MRPL48: variants seen among roughly 807,000 people sequenced by gnomAD.
MRPL48 encodes the protein large ribosomal subunit protein mL48.
MRPL48 carries 16 observed loss-of-function variants against 32.9 expected under a neutral mutation model. That is an observed-to-expected ratio of 0.49 (90% CI 0.33 to 0.74). MRPL48 has a LOEUF of 0.74. Among genes scored for constraint, MRPL48 ranks in the 30% least tolerant of loss-of-function variants. MRPL48 has a pLI of 0.02. For synonymous variants in MRPL48, 94 were observed against 89.2 expected (o/e 1.05, Z -0.31); for missense variants, 206 against 245.3 (o/e 0.84, Z 1.07).
intron 5 of MRPL48, among the ~76,000 whole-genome samples, chr11:73,857,279 C>T (rs1271823725): frequency 1.3e-5 from 2 of 151,764 alleles, no homozygotes; most frequent in Admixed American, 6.6e-5. Flanking sequence ...TACAGGCGCT[C>T]ACCACCACGC....
At chr11:73,838,815 T>C (rs1045837248) in intron 4 of MRPL48, among the ~76,000 whole-genome samples, 2 of 152,170 alleles carry the variant, frequency 1.3e-5, no homozygotes, top group Non-Finnish European at 2.9e-5. Flanking sequence ...TGCACTAGGA[T>C]CAGGAGGTCT....
intron 1 of MRPL48, among the ~76,000 whole-genome samples, chr11:73,795,027 C>G (rs1263852444): frequency 1.3e-5 from 2 of 151,910 alleles, no homozygotes; most frequent in Non-Finnish European, 2.9e-5. Flanking sequence ...TCTCCTGCCT[C>G]AGCCTCCCAA....
intron 3 of MRPL48, among the ~76,000 whole-genome samples, chr11:73,821,105 C>T (rs1182285199): frequency 6.6e-6 from 1 of 152,174 alleles, no homozygotes; most frequent in East Asian, 1.9e-4. Context: ...AATCCTCCCA[C>T]CACAGCCTCC....
intron 1 of MRPL48, among the ~76,000 whole-genome samples, chr11:73,789,067 T>C (rs902093433): frequency 2.0e-5 from 3 of 152,226 alleles, no homozygotes; most frequent in Non-Finnish European, 4.4e-5. Flanking sequence ...TGCCCTTGAA[T>C]GTGTGAGGGC....
At chr11:73,813,779 C>T (rs1233778471) in intron 3 of MRPL48, among the ~76,000 whole-genome samples, 2 of 152,014 alleles carry the variant, frequency 1.3e-5, no homozygotes, top group South Asian at 2.1e-4. Flanking sequence ...TGGTGGCTCA[C>T]GCCTGTAATC....
chr11:73,788,804 A>C (rs1947097767), intron 1 of MRPL48, among the ~76,000 whole-genome samples: 2 of 152,248 alleles, frequency 1.3e-5, no homozygotes, highest in South Asian at 4.2e-4. Context: ...CCAAAACCTT[A>C]TTTAAGTGAC....
intron 4 of MRPL48, 68 bp from the exon 5 acceptor site, chr11:73,844,739 T>C (rs1948255182): frequency 6.7e-7 from 1 of 1,482,662 alleles, no homozygotes; most frequent in African/African-American, 1.4e-5. Flanking sequence ...TTTTAAAATA[T>C]CAAGATAGTA....
intron 5 of MRPL48, among the ~76,000 whole-genome samples, chr11:73,855,693 G>A (rs1345769188): frequency 1.3e-5 from 2 of 152,016 alleles, no homozygotes; most frequent in Non-Finnish European, 2.9e-5. Context: ...TCGCCATCTT[G>A]GCCAGGTTGG....
At chr11:73,850,409 T>C (rs1246286905) in intron 5 of MRPL48, 1 of 253,664 alleles carries the variant, frequency 3.9e-6, no homozygotes, top group African/African-American at 2.3e-5. Flanking sequence ...ATATCTGTCA[T>C]ACTTACCTCT....
At chr11:73,804,945 TGG>T in intron 1 of MRPL48, 80 bp from the exon 2 acceptor site, 1 of 1,325,342 alleles carries the variant, frequency 7.5e-7, no homozygotes, top group South Asian at 1.3e-5. Context: ...TTGTGTACTG[TGG>T]GTTTCTTGCC....
Position 73,852,610 on chromosome 11 carries a change from G to C in MRPL48, c.372-7297G>C, listed in dbSNP as rs141973091. On this transcript the variant is annotated intron_variant, in intron 5 of 7. Coordinates refer to ENST00000310614, the MANE Select transcript of MRPL48 (RefSeq NM_016055.6). ...GACAGGCAATAACAAATGTTGACGA[G>C]GATGTGGAGAAAAAGGAACCTTTAT... 4.9e-3 allele frequency among the ~76,000 whole-genome samples: 747 copies of C among 152,124 alleles called. 7 individuals are homozygous for C. Among genetic ancestry groups the C allele is most frequent in the African/African-American group, 0.016 (680 of 41,526 alleles).
At chr11:73,788,789 C>T (rs1033014259) in intron 1 of MRPL48, among the ~76,000 whole-genome samples, 3 of 152,098 alleles carry the variant, frequency 2.0e-5, no homozygotes, top group Admixed American at 6.6e-5. Context: ...ACAACATTTT[C>T]GTTTCCAAAA....
At chr11:73,817,917 G>T in intron 3 of MRPL48, 1 of 241,112 alleles carries the variant, frequency 4.1e-6, no homozygotes, top group South Asian at 4.2e-5. Context: ...CAATCCTCCT[G>T]CCTCAGCCTC....
chr11:73,821,545 G>A (rs144067885), intron 3 of MRPL48, among the ~76,000 whole-genome samples: 65 of 152,078 alleles, frequency 4.3e-4, no homozygotes, highest in Middle Eastern at 3.4e-3. Flanking sequence ...TGCCTATACC[G>A]TGTTTTCTCC....
intron 4 of MRPL48, among the ~76,000 whole-genome samples, chr11:73,828,004 G>A (rs907032140): frequency 5.3e-5 from 8 of 152,110 alleles, no homozygotes; most frequent in Non-Finnish European, 8.8e-5. Flanking sequence ...GAAATTATAT[G>A]TAAAATGTTT....
intron 5 of MRPL48, chr11:73,850,676 CA>C: frequency 8.5e-6 from 2 of 233,920 alleles, no homozygotes; most frequent in South Asian, 4.5e-5. Flanking sequence ...CTGGGCTATA[CA>C]ATTTTTTTTT....
chr11:73,828,997 G>T (rs1012166890), intron 4 of MRPL48, among the ~76,000 whole-genome samples: 2 of 152,094 alleles, frequency 1.3e-5, no homozygotes, highest in African/African-American at 4.8e-5. Context: ...TTAAAAAAAT[G>T]TCTTAGAATC....
chr11:73,860,688 C>T (rs538054568), intron 6 of MRPL48, among the ~76,000 whole-genome samples: 1 of 152,264 alleles, frequency 6.6e-6, no homozygotes, highest in Admixed American at 6.5e-5. Context: ...TTAACATCAT[C>T]CCCCTTTGAA....
intron 4 of MRPL48, among the ~76,000 whole-genome samples, chr11:73,836,121 T>C (rs1948097598): frequency 6.6e-6 from 1 of 150,982 alleles, no homozygotes; most frequent in Non-Finnish European, 1.5e-5. Context: ...TTTATTTTTA[T>C]TTATTTACTT....
Sources: allele counts gnomAD v4.1 joint callset (sites outside exome capture counted in the v4.1 genomes callset), GRCh38; gene constraint gnomAD v4.1.1; transcripts MANE v1.5; gene names NCBI Gene and HGNC (gene_info 2026-07-23, HGNC 2026-07-21).